The following PLXNA4 variants were observed in gnomAD, a reference collection of about 807,000 sequenced individuals.
PLXNA4 encodes plexin A4.
Under a neutral mutation model 191.8 loss-of-function variants are expected in PLXNA4, and 44 were observed. The ratio of observed to expected loss-of-function variants is 0.23; its 90% CI spans 0.18 to 0.29. The LOEUF is 0.29. Among genes scored for constraint, PLXNA4 ranks in the 10% least tolerant of loss-of-function variants. PLXNA4 has a pLI of 1.00. For synonymous variants in PLXNA4, 1,082 were observed against 1,009.5 expected, an observed-to-expected ratio of 1.07 and a Z score of -1.36; for missense variants, 1,800 against 2,488.8, an observed-to-expected ratio of 0.72 and a Z score of 5.89.
chr7:132,613,113 G>A (rs778681980), intron 2 of PLXNA4, among the ~76,000 whole-genome samples: 46 of 152,260 alleles, frequency 3.0e-4, no homozygotes, highest in Middle Eastern at 3.4e-3. Flanking sequence ...ACCTACTAGC[G>A]ATTCCTCTCA....
intron 3 of PLXNA4, among the ~76,000 whole-genome samples, chr7:132,365,459 A>G (rs1334789289): frequency 6.6e-6 from 1 of 151,496 alleles, no homozygotes; most frequent in South Asian, 2.1e-4. Flanking sequence ...CTTCAGCAAG[A>G]CCCTCCCCCT....
chr7:132,307,648 G>A (rs1801578685), intron 3 of PLXNA4, among the ~76,000 whole-genome samples: 1 of 152,104 alleles, frequency 6.6e-6, no homozygotes, highest in African/African-American at 2.4e-5. Context: ...CGCGTGGCCG[G>A]TAGGTGCCCT....
chr7:132,513,299 GT>G (rs1236171650), intron 1 of PLXNA4, among the ~76,000 whole-genome samples: 2 of 151,910 alleles, frequency 1.3e-5, no homozygotes, highest in Non-Finnish European at 2.9e-5. Context: ...TTACTTTAGA[GT>G]TTACAAAGTG....
At chr7:132,249,558 A>G (rs555399315) in intron 4 of PLXNA4, among the ~76,000 whole-genome samples, 1 of 152,254 alleles carries the variant, frequency 6.6e-6, no homozygotes, top group South Asian at 2.1e-4. Context: ...ATGGCACGTG[A>G]TCGTTATTAG....
At chr7:132,318,772 T>C (rs1394106450) in intron 3 of PLXNA4, among the ~76,000 whole-genome samples, 1 of 151,242 alleles carries the variant, frequency 6.6e-6, no homozygotes, top group East Asian at 1.9e-4. Context: ...AAATCACAGA[T>C]GCTGCTGTGG....
intron 2 of PLXNA4, among the ~76,000 whole-genome samples, chr7:132,583,717 T>C (rs1208619000): frequency 6.6e-6 from 1 of 152,216 alleles, no homozygotes; most frequent in African/African-American, 2.4e-5. Context: ...TCCATTCTCC[T>C]TCTGGCCCTA....
intron 1 of PLXNA4, among the ~76,000 whole-genome samples, chr7:132,528,481 G>C (rs1393424569): frequency 1.3e-5 from 2 of 152,206 alleles, no homozygotes; most frequent in African/African-American, 4.8e-5. Context: ...TCAACCAACA[G>C]CTGTGATTGG....
chr7:132,348,263 T>C (rs1015031359), intron 3 of PLXNA4, among the ~76,000 whole-genome samples: 8 of 152,194 alleles, frequency 5.3e-5, no homozygotes, highest in African/African-American at 1.9e-4. Flanking sequence ...TAACAATCTT[T>C]TCCAATCTTC....
chr7:132,248,190 T>C (rs1303106442), intron 4 of PLXNA4, among the ~76,000 whole-genome samples: 1 of 152,206 alleles, frequency 6.6e-6, no homozygotes, highest in Non-Finnish European at 1.5e-5. Flanking sequence ...CCGAAATAGC[T>C]GTTTCCTCTT....
chr7:132,395,652 C>T (rs1031321319), intron 3 of PLXNA4, among the ~76,000 whole-genome samples: 5 of 152,222 alleles, frequency 3.3e-5, no homozygotes, highest in Admixed American at 6.5e-5. Flanking sequence ...CTCTGATAGG[C>T]AAACAGCCTG....
chr7:132,314,773 C>G (rs888513247), intron 3 of PLXNA4, among the ~76,000 whole-genome samples: 2 of 152,150 alleles, frequency 1.3e-5, no homozygotes, highest in African/African-American at 4.8e-5. Context: ...TCAACGTAGA[C>G]CAGGAAAAGT....
intron 3 of PLXNA4, among the ~76,000 whole-genome samples, chr7:132,398,412 A>G (rs1432621170): frequency 5.9e-5 from 9 of 152,222 alleles, no homozygotes; most frequent in Non-Finnish European, 1.2e-4. Flanking sequence ...TCGTGTCGCA[A>G]CAAGGAACCA....
intron 1 of PLXNA4, among the ~76,000 whole-genome samples, chr7:132,543,988 A>G (rs1800188408): frequency 6.6e-6 from 1 of 152,268 alleles, no homozygotes; most frequent in Non-Finnish European, 1.5e-5. Context: ...ACCAACTAGA[A>G]GATGGTAACA....
At chr7:132,244,603 T>G (rs1480632507) in intron 4 of PLXNA4, among the ~76,000 whole-genome samples, 1 of 152,170 alleles carries the variant, frequency 6.6e-6, no homozygotes, top group Non-Finnish European at 1.5e-5. Flanking sequence ...TACCATTATT[T>G]GAGAGCTAGG....
At position 132,605,386 on chromosome 7, in the gene PLXNA4, G is replaced by A. The variant is rs150959575; in HGVS notation, c.-87+40542C>T. ...AATTTAGAGAGGGGATCCAGTGATA[G>A]AGTCAACAGATCTTTGTCCCCAGGA... is the stretch of plus-strand genomic sequence containing the variant. On this transcript the variant is annotated intron_variant, in intron 2 of 4. Transcript: ENST00000378539. Among the ~76,000 whole-genome samples the A allele has an allele frequency of 4.6e-5, 7 of 152,308 alleles. No individual in the cohort carries two copies. In the East Asian group the frequency reaches 7.7e-4, roughly 17 times the overall value.
intron 3 of PLXNA4, among the ~76,000 whole-genome samples, chr7:132,299,919 G>A (rs1252120421): frequency 1.3e-5 from 2 of 152,176 alleles, no homozygotes; most frequent in African/African-American, 4.8e-5. Context: ...GCGGCTCAAA[G>A]ATCTGTGGGC....
intron 11 of PLXNA4, 21 bp downstream of exon 11, chr7:132,203,298 CTGCT>C: frequency 8.3e-6 from 13 of 1,560,920 alleles, no homozygotes; most frequent in Non-Finnish European, 1.1e-5. Context: ...CCTCCCTCCC[CTGCT>C]AGGCCCCAGC....
At position 132,556,756 on chromosome 7, in the gene PLXNA4, C is replaced by A. The variant is rs7798939; in HGVS notation, c.-87+19666G>T. Among the ~76,000 whole-genome samples the A allele has an allele frequency of 4.6e-3, 703 of 152,252 alleles. 4 individuals carry two copies. Among genetic ancestry groups the A allele is most frequent in the African/African-American group, 0.016 (662 of 41,542 alleles). On this transcript the variant is annotated intron_variant, in intron 1 of 31. Coordinates refer to ENST00000321063, the MANE Select transcript of PLXNA4 (RefSeq NM_020911.2). ...CGCTGTGCTGTTTCATACTTTTATC[C>A]GTAAGTTGAATGAAGACTGAGAGTC...
chr7:132,206,717 GA>G (rs953955119), intron 10 of PLXNA4, among the ~76,000 whole-genome samples: 112 of 152,122 alleles, frequency 7.4e-4, no homozygotes, highest in African/African-American at 2.4e-3. Context: ...CAGGGTAGGG[GA>G]AAGGGGTGGG....
Sources: gnomAD v4.1 joint callset for allele counts (sites outside exome capture counted in the v4.1 genomes callset) on GRCh38, gnomAD v4.1.1 for gene constraint, MANE v1.5 for transcripts, NCBI Gene and HGNC (gene_info 2026-07-23, HGNC 2026-07-21) for gene names.